The following STX17 variants were observed in gnomAD, a reference collection of about 807,000 sequenced individuals.
STX17 encodes the protein syntaxin-17.
A neutral mutation model predicts 35.9 loss-of-function variants in STX17; 29 were observed. That is an observed-to-expected ratio of 0.81 (90% CI 0.60 to 1.10). STX17 has a LOEUF of 1.10. Among genes scored for constraint, STX17 ranks in the 50% least tolerant of loss-of-function variants. The probability of loss-of-function intolerance (pLI) is 0.00; values close to 1 mark genes in which losing one functional copy is unlikely to be tolerated. For missense variants in STX17, 312 were observed against 352.3 expected (o/e 0.89, Z 0.92); for synonymous variants, 92 against 118.3 (o/e 0.78, Z 1.44).
chr9:99,925,485 A>T (rs1248137134), intron 2 of STX17, among the ~76,000 whole-genome samples: 1 of 151,834 alleles, frequency 6.6e-6, no homozygotes, highest in Non-Finnish European at 1.5e-5. Context: ...TCTGTCAGGT[A>T]TCCCCTTTCT....
intron 4 of STX17, among the ~76,000 whole-genome samples, chr9:99,958,168 A>C (rs973307864): frequency 2.2e-4 from 33 of 152,082 alleles, no homozygotes; most frequent in African/African-American, 8.0e-4. Context: ...TTCAGTCCCT[A>C]AGCGTATGCA....
At chr9:99,928,677 G>T (rs1662484925) in intron 2 of STX17, 101 bp from the exon 3 acceptor site, 2 of 878,446 alleles carry the variant, frequency 2.3e-6, no homozygotes, top group Non-Finnish European at 3.7e-6. Context: ...TCTCTAGATA[G>T]TATGTTTAAG....
intron 7 of STX17, among the ~76,000 whole-genome samples, chr9:99,968,080 C>T (rs755728790): frequency 5.3e-5 from 8 of 152,188 alleles, no homozygotes; most frequent in Non-Finnish European, 1.0e-4. Flanking sequence ...CTTTTAACCC[C>T]AGGCACACAG....
At position 99,973,596 on chromosome 9, in the gene STX17, A is replaced by G. The variant is rs762499633; in HGVS notation, c.*4923A>G. Among the ~76,000 whole-genome samples, 6 of 152,106 alleles carry G rather than the reference A, an allele frequency of 3.9e-5. No homozygotes were observed. The highest frequency in any genetic ancestry group is 8.8e-5 in the Non-Finnish European group (6 of 68,018). On this transcript the variant is annotated 3_prime_UTR_variant, in exon 8 of 8. Transcript: ENST00000259400. ...CCTTATATCAAGACTTGTCCTGTCAATTCTCCCTTAAATGTTAGTTGCATC... is the reference window on the plus strand; with the variant it reads ...CCTTATATCAAGACTTGTCCTGTCAGTTCTCCCTTAAATGTTAGTTGCATC...
intron 4 of STX17, among the ~76,000 whole-genome samples, chr9:99,951,848 A>C (rs971668489): frequency 6.6e-6 from 1 of 152,014 alleles, no homozygotes; most frequent in African/African-American, 2.4e-5. Flanking sequence ...TAATGTCTTT[A>C]ATTCTGAAAA....
chr9:99,962,064 C>T (rs909672109), intron 6 of STX17, among the ~76,000 whole-genome samples: 5 of 152,136 alleles, frequency 3.3e-5, no homozygotes, highest in South Asian at 2.1e-4. Context: ...TATCCCACCC[C>T]ACCATATTTT....
intron 4 of STX17, among the ~76,000 whole-genome samples, chr9:99,957,550 C>T (rs1034298869): frequency 6.6e-6 from 1 of 151,988 alleles, no homozygotes; most frequent in African/African-American, 2.4e-5. Context: ...CTTTTGTTTC[C>T]ATTTCTACTG....
chr9:99,934,578 C>T (rs759334348), intron 3 of STX17, among the ~76,000 whole-genome samples: 7 of 152,118 alleles, frequency 4.6e-5, no homozygotes, highest in Non-Finnish European at 1.0e-4. Context: ...AATTAAATAG[C>T]TATGACTCTG....
At chr9:99,959,311 G>A (rs1316620948) in intron 4 of STX17, among the ~76,000 whole-genome samples, 1 of 151,986 alleles carries the variant, frequency 6.6e-6, no homozygotes, top group Non-Finnish European at 1.5e-5. Context: ...GGGAAGCTGA[G>A]GCAGGAGGAT....
At chr9:99,928,932 C>G in intron 3 of STX17, 89 bp downstream of exon 3, 1 of 1,095,712 alleles carries the variant, frequency 9.1e-7, no homozygotes, top group Non-Finnish European at 1.3e-6. Flanking sequence ...GCAGCTGAAC[C>G]CTTTTATACA....
At chr9:99,943,622 T>A (rs1262149977) in intron 3 of STX17, among the ~76,000 whole-genome samples, 1 of 152,226 alleles carries the variant, frequency 6.6e-6, no homozygotes, top group African/African-American at 2.4e-5. Flanking sequence ...TCTCTATATT[T>A]GAATAAAAGT....
At chr9:99,964,521 A>T (rs565155512) in intron 6 of STX17, among the ~76,000 whole-genome samples, 56 of 152,312 alleles carry the variant, frequency 3.7e-4, no homozygotes, top group African/African-American at 1.2e-3. Context: ...GAATGCTGAG[A>T]ACATATATGG....
intron 6 of STX17, among the ~76,000 whole-genome samples, chr9:99,961,595 A>G (rs910826284): frequency 6.6e-6 from 1 of 152,064 alleles, no homozygotes. Context: ...GTGTATGTAT[A>G]TTTATGTATG....
At chr9:99,967,472 C>CCTTT in intron 6 of STX17, 181 bp from the exon 7 acceptor site, 1 of 377,444 alleles carries the variant, frequency 2.6e-6, no homozygotes, top group Non-Finnish European at 4.8e-6. Context: ...AGACCCCCCC[C>CCTTT]TTTTTTTTAT....
intron 3 of STX17, among the ~76,000 whole-genome samples, chr9:99,944,463 G>A (rs4452862): frequency 0.69 from 104,125 of 150,944 alleles, 36,149 homozygotes; most frequent in African/African-American, 0.72. Context: ...GTATTGCTTT[G>A]GCTGCCTGTA....
intron 4 of STX17, among the ~76,000 whole-genome samples, chr9:99,956,932 G>T (rs1053204487): frequency 6.6e-6 from 1 of 152,174 alleles, no homozygotes; most frequent in Non-Finnish European, 1.5e-5. Flanking sequence ...AGTTATAATT[G>T]CTTACTTTTA....
chr9:99,952,575 G>A (rs1162623853), intron 4 of STX17, among the ~76,000 whole-genome samples: 1 of 152,132 alleles, frequency 6.6e-6, no homozygotes, highest in Non-Finnish European at 1.5e-5. Context: ...AAAGACACAT[G>A]CACACGTATG....
chr9:99,917,103 T>C (rs1828792415), intron 2 of STX17, among the ~76,000 whole-genome samples: 2 of 152,204 alleles, frequency 1.3e-5, no homozygotes, highest in African/African-American at 2.4e-5. Context: ...TAGCATTTTA[T>C]GAAATTTTTA....
At chr9:99,946,159 C>G (rs965955715) in intron 3 of STX17, among the ~76,000 whole-genome samples, 1 of 152,074 alleles carries the variant, frequency 6.6e-6, no homozygotes, top group African/African-American at 2.4e-5. Flanking sequence ...TCACTGTTCT[C>G]TATAAAAGTA....
Sources: allele counts gnomAD v4.1 joint callset (sites outside exome capture counted in the v4.1 genomes callset), GRCh38; gene constraint gnomAD v4.1.1; transcripts MANE v1.5; gene names NCBI Gene and HGNC (gene_info 2026-07-23, HGNC 2026-07-21).